ZNF492: variants seen among roughly 807,000 people sequenced by gnomAD.
ZNF492 encodes the protein zinc finger protein 492, also known as zinc finger protein 115 (Y20).
ZNF492 carries 3 observed loss-of-function variants against 6.4 expected under a neutral mutation model. The ratio of observed to expected loss-of-function variants is 0.47; its 90% CI spans 0.21 to 1.22. The LOEUF is 1.22. Among genes scored for constraint, ZNF492 ranks in the 50% most tolerant of loss-of-function variants. The pLI is 0.22. For missense variants in ZNF492, 356 were observed against 612.5 expected, an observed-to-expected ratio of 0.58 and a Z score of 4.42; for synonymous variants, 112 against 205.3, an observed-to-expected ratio of 0.55 and a Z score of 3.89.
intron 3 of ZNF492, among the ~76,000 whole-genome samples, chr19:22,659,742 T>A (rs1315307245): frequency 6.8e-6 from 1 of 147,316 alleles, no homozygotes; most frequent in African/African-American, 2.5e-5. Context: ...CTCGGCTCAC[T>A]GCAACCTCTG....
intron 3 of ZNF492, among the ~76,000 whole-genome samples, chr19:22,657,347 A>G (rs993855411): frequency 2.0e-5 from 3 of 152,150 alleles, no homozygotes; most frequent in African/African-American, 7.2e-5. Context: ...TTATTTAGCA[A>G]TGTAAGGCTA....
At chr19:22,639,567 G>A (rs1485491761) in intron 1 of ZNF492, among the ~76,000 whole-genome samples, 4 of 151,918 alleles carry the variant, frequency 2.6e-5, no homozygotes, top group South Asian at 2.1e-4. Context: ...AAAATTAGCC[G>A]GGCGTGGTGG....
intron 3 of ZNF492, among the ~76,000 whole-genome samples, chr19:22,654,752 C>G (rs12609264): frequency 0.15 from 22,577 of 150,698 alleles, 1,722 homozygotes; most frequent in East Asian, 0.18. Context: ...CAGGCGCGAG[C>G]CACCATGCCT....
chr19:22,637,216 A>G (rs1971777780), intron 1 of ZNF492, among the ~76,000 whole-genome samples: 1 of 151,742 alleles, frequency 6.6e-6, no homozygotes, highest in Non-Finnish European at 1.5e-5. Flanking sequence ...TGACCTTGTG[A>G]TCTGCCTGTC....
intron 1 of ZNF492, among the ~76,000 whole-genome samples, chr19:22,644,068 T>C (rs1384068909): frequency 5.9e-5 from 9 of 151,288 alleles, no homozygotes; most frequent in African/African-American, 2.2e-4. Flanking sequence ...TGGAGTTTTT[T>C]CTGTTTTGGG....
intron 1 of ZNF492, among the ~76,000 whole-genome samples, chr19:22,645,619 G>T (rs1971870056): frequency 6.6e-6 from 1 of 152,132 alleles, no homozygotes; most frequent in Admixed American, 6.5e-5. Flanking sequence ...GAATGGTATT[G>T]CCTAGATTTT....
At chr19:22,660,761 T>C (rs569824554) in intron 3 of ZNF492, among the ~76,000 whole-genome samples, 1 of 152,024 alleles carries the variant, frequency 6.6e-6, no homozygotes, top group Non-Finnish European at 1.5e-5. Context: ...TTAATACTTT[T>C]ACTTTCAGTT....
chr19:22,646,790 T>G (rs1370430759), intron 1 of ZNF492, among the ~76,000 whole-genome samples: 1 of 152,008 alleles, frequency 6.6e-6, no homozygotes, highest in Non-Finnish European at 1.5e-5. Context: ...GATTTTTGTC[T>G]TTAGTTCTGT....
intron 1 of ZNF492, among the ~76,000 whole-genome samples, chr19:22,651,824 C>T (rs1971942422): frequency 6.6e-6 from 1 of 150,610 alleles, no homozygotes; most frequent in African/African-American, 2.5e-5. Flanking sequence ...AATGGGATGG[C>T]ATTTATTACG....
rs187551849 is a variant in ZNF492, at chr19:22,665,878, T to C, written c.*613T>C. 1.2e-4 allele frequency: 18 copies of C among 152,602 alleles called. No individual in the cohort carries two copies. Among genetic ancestry groups the C allele is most frequent in the African/African-American group, 3.1e-4 (13 of 41,574 alleles). 9.5% of individuals were successfully genotyped at this position (152,602 alleles called of 1,614,324 possible). On this transcript the variant is annotated 3_prime_UTR_variant, in exon 4 of 4. Transcript: ENST00000456783. ...GTTTATGTAAATATCAGAGAATTTA[T>C]GTTAGAAATATATAAGGCAATGACA...
At chr19:22,644,376 C>T (rs62118775) in intron 1 of ZNF492, among the ~76,000 whole-genome samples, 12,164 of 152,214 alleles carry the variant, frequency 0.08, 536 homozygotes, top group South Asian at 0.11. Flanking sequence ...GTGCCCTCCC[C>T]TTGCCCCCCA....
chr19:22,634,941 G>A (rs1362977385), intron 1 of ZNF492, among the ~76,000 whole-genome samples: 4 of 152,180 alleles, frequency 2.6e-5, no homozygotes, highest in African/African-American at 9.7e-5. Flanking sequence ...AAAAGTTATA[G>A]AGCACCCAGC....
At chr19:22,652,762 G>A (rs1470181908) in intron 1 of ZNF492, among the ~76,000 whole-genome samples, 1 of 151,906 alleles carries the variant, frequency 6.6e-6, no homozygotes, top group Non-Finnish European at 1.5e-5. Context: ...TGTATTTTTA[G>A]TAGAGACAGG....
Position 22,663,717 on chromosome 19 carries a change from T to A in ZNF492, c.131-83T>A. ...TGCTGTAACATCTTGTGATGTAGTT[T>A]GTATAATTTTATAGGTTAGATTTGT... On this transcript the variant is annotated intron_variant, in intron 3 of 3. Coordinates refer to ENST00000456783, the MANE Select transcript of ZNF492 (RefSeq NM_020855.3). 3.1e-6 allele frequency: 4 copies of A among 1,292,506 alleles called. No individual in the cohort carries two copies. The South Asian group carries it at 7.7e-5, about 25-fold the overall frequency. The allele number at this position is 1,292,506 out of a possible 1,614,324, so 80.1% of individuals were successfully genotyped here.
At chr19:22,647,952 T>G (rs1331832051) in intron 1 of ZNF492, among the ~76,000 whole-genome samples, 1 of 151,832 alleles carries the variant, frequency 6.6e-6, no homozygotes, top group Non-Finnish European at 1.5e-5. Context: ...GAGGCTGGTC[T>G]TGCTCTCCTG....
intron 2 of ZNF492, 93 bp from the exon 3 acceptor site, chr19:22,653,827 T>C (rs542618292): frequency 4.5e-6 from 6 of 1,336,354 alleles, no homozygotes; most frequent in African/African-American, 3.1e-5. Flanking sequence ...ATCAATTTAC[T>C]AGAATATTCT....
rs185684885 is a variant in ZNF492 at position 22,636,149 on chromosome 19, G to A, written c.-94+1675G>A. 3.4e-4 allele frequency among the ~76,000 whole-genome samples: 51 copies of A among 151,838 alleles called. No homozygotes were observed. The East Asian group carries it at 9.7e-3, about 29-fold the overall frequency. On this transcript the variant is annotated intron_variant, in intron 1 of 3. Transcript: ENST00000456783. ...AGTTTCGCTCTTGTTGCCCAGGCTGGAGTGCAATGGCGCGATCTCGGCTCA... is the reference window on the plus strand; with the variant it reads ...AGTTTCGCTCTTGTTGCCCAGGCTGAAGTGCAATGGCGCGATCTCGGCTCA...
chr19:22,642,780 T>A (rs1971841656), intron 1 of ZNF492, among the ~76,000 whole-genome samples: 1 of 152,126 alleles, frequency 6.6e-6, no homozygotes, highest in Admixed American at 6.6e-5. Context: ...TTTTTTAATT[T>A]TCAGTCATTA....
At chr19:22,648,655 G>C (rs1247724602) in intron 1 of ZNF492, among the ~76,000 whole-genome samples, 3 of 152,150 alleles carry the variant, frequency 2.0e-5, no homozygotes, top group African/African-American at 7.2e-5. Flanking sequence ...GTATTTAGGA[G>C]AGTTAGCTCT....
Sources: allele counts gnomAD v4.1 joint callset (sites outside exome capture counted in the v4.1 genomes callset), GRCh38; gene constraint gnomAD v4.1.1; transcripts MANE v1.5; gene names NCBI Gene and HGNC (gene_info 2026-07-23, HGNC 2026-07-21).